RPS6KA1: variants seen among roughly 807,000 people sequenced by gnomAD.
The protein encoded by RPS6KA1 is ribosomal protein S6 kinase A1, also known as ribosomal protein S6 kinase alpha-1.
RPS6KA1 carries 48 observed loss-of-function variants against 91.3 expected under a neutral mutation model. The ratio of observed to expected loss-of-function variants is 0.53; its 90% CI spans 0.42 to 0.67. RPS6KA1 has a LOEUF of 0.67. Among genes scored for constraint, RPS6KA1 ranks in the 30% least tolerant of loss-of-function variants. The probability of loss-of-function intolerance (pLI) is 0.00; values close to 1 mark genes in which losing one functional copy is unlikely to be tolerated. For missense variants in RPS6KA1, 719 were observed against 960.5 expected (o/e 0.75, Z 3.32); for synonymous variants, 359 against 384.7 (o/e 0.93, Z 0.78).
intron 2 of RPS6KA1, among the ~76,000 whole-genome samples, chr1:26,537,943 A>G (rs1472507985): frequency 6.6e-6 from 1 of 152,146 alleles, no homozygotes; most frequent in African/African-American, 2.4e-5. Context: ...GTCCTAGTAT[A>G]TTGCTCAGCT....
chr1:26,546,757 G>T, intron 2 of RPS6KA1, 110 bp from the exon 3 acceptor site: 1 of 762,770 alleles, frequency 1.3e-6, no homozygotes, highest in South Asian at 1.5e-5. Context: ...GTCGTCTATT[G>T]GGCCTTTAGG....
intron 1 of RPS6KA1, among the ~76,000 whole-genome samples, chr1:26,535,307 C>T (rs1460113595): frequency 1.3e-5 from 2 of 151,714 alleles, no homozygotes; most frequent in African/African-American, 2.4e-5. Flanking sequence ...CAATGGGGAG[C>T]TGTTCCAGGG....
rs985179802 is a variant in RPS6KA1 at position 26,547,120 on chromosome 1, G to A, written c.226-69G>A. On this transcript the variant is annotated intron_variant, in intron 3 of 21. Coordinates refer to ENST00000374168, the MANE Select transcript of RPS6KA1 (RefSeq NM_002953.4). This position sits in a 1 kb window ranked among gnomAD's most constrained non-coding sequence, Gnocchi z 4.1. ...CAAAAAGGTCAGCTTGGGGCTCAGA[G>A]AAGATAGAGGTCAGCCTGGACTCAG... 1 of 1,573,142 alleles carries A rather than the reference G, an allele frequency of 6.4e-7. No homozygotes were observed. Among genetic ancestry groups the A allele is most frequent in the African/African-American group, 1.3e-5 (1 of 74,194 alleles).
rs764089571 is a variant in RPS6KA1, at chr1:26,556,978, G to A, written c.982-20G>A. On this transcript the variant is annotated intron_variant, in intron 12 of 21. Coordinates refer to ENST00000374168, the MANE Select transcript of RPS6KA1 (RefSeq NM_002953.4). ...TGTTGAGGATGCCATGGTGACCAGA[G>A]TGCCCACCCCACTGTGCAGAAGCTA... 50 of 1,584,064 alleles carry A rather than the reference G, an allele frequency of 3.2e-5. No homozygotes were observed. The highest frequency in any genetic ancestry group is 4.0e-5 in the Non-Finnish European group (46 of 1,152,818).
At chr1:26,553,253 T>A (rs2076069051) in intron 6 of RPS6KA1, 138 bp from the exon 7 acceptor site, 1 of 594,926 alleles carries the variant, frequency 1.7e-6, no homozygotes, top group Admixed American at 2.6e-5. Flanking sequence ...CTTTGTATGA[T>A]GAGAAGGCTA....
In RPS6KA1 at chr1:26,529,824, G is replaced by C; in HGVS notation, c.-97G>C. On this transcript the variant is annotated 5_prime_UTR_variant, in exon 1 of 22. Coordinates refer to ENST00000374168, the MANE Select transcript of RPS6KA1 (RefSeq NM_002953.4). This position sits in a 1 kb window ranked among gnomAD's most constrained non-coding sequence, Gnocchi z 4.2. ...GCCGGAGCGCGAGGGGCTCGGGGGGGCGCGGCGGTTCGGGTCGCAGAGCCA... is the reference window on the plus strand; with the variant it reads ...GCCGGAGCGCGAGGGGCTCGGGGGGCCGCGGCGGTTCGGGTCGCAGAGCCA... 1 of 923,086 alleles carries C rather than the reference G, an allele frequency of 1.1e-6. No homozygotes were observed. Among genetic ancestry groups the C allele is most frequent in the Non-Finnish European group, 1.4e-6 (1 of 713,624 alleles). The allele number at this position is 923,086 out of a possible 1,614,324, so 57.2% of individuals were successfully genotyped here. A position where few individuals can be genotyped will look rare whatever the true frequency, so the allele number is the denominator to read the frequency against.
intron 17 of RPS6KA1, among the ~76,000 whole-genome samples, chr1:26,562,372 C>T (rs1250527851): frequency 6.6e-6 from 1 of 152,084 alleles, no homozygotes; most frequent in Non-Finnish European, 1.5e-5. Flanking sequence ...GAATTTCAGA[C>T]TGAAGAATTT....
In RPS6KA1 at chr1:26,560,751, T is replaced by C. The variant is rs765589763; in HGVS notation, c.1241T>C (p.Phe414Ser). 1 of 1,614,200 alleles carries C rather than the reference T, an allele frequency of 6.2e-7. No homozygotes were observed. ...CAACTCCATGGGAAGAACCTGGTTT[T>C]TAGTGACGGCTACGTGGTAAAGGAG... ...VQQLHGKNLVFSDGYVVKETI... is the reference protein window; with the variant it reads ...VQQLHGKNLVSSDGYVVKETI... Residue 414 changes from phenylalanine (F) to serine (S), a missense_variant, in exon 15 of 22, where the codon TTT (phenylalanine) becomes TCT (serine). Coordinates refer to ENST00000374168, the MANE Select transcript of RPS6KA1 (RefSeq NM_002953.4).
rs145117977 is a variant in RPS6KA1 at position 26,569,724 on chromosome 1, T to C, written c.1591-1725T>C. On this transcript the variant is annotated intron_variant, in intron 17 of 21. Coordinates refer to ENST00000374168, the MANE Select transcript of RPS6KA1 (RefSeq NM_002953.4). ...TTCAGAGGTGTGATTTGTTCATTCA[T>C]TGCACAAAGTTCACTTAGCATTTGC... Among the ~76,000 whole-genome samples, 16 of 152,386 alleles carry C rather than the reference T, an allele frequency of 1.0e-4. No homozygotes were observed. The East Asian group carries it at 3.1e-3, about 29-fold the overall frequency.
intron 7 of RPS6KA1, chr1:26,553,933 A>G (rs1233007602): frequency 1.1e-5 from 4 of 379,700 alleles, no homozygotes; most frequent in Non-Finnish European, 1.9e-5. Context: ...TACTAGCTCA[A>G]TGACTGTAGA....
intron 11 of RPS6KA1, 58 bp from the exon 12 acceptor site, chr1:26,556,596 G>A: frequency 1.3e-6 from 2 of 1,580,174 alleles, no homozygotes; most frequent in South Asian, 1.1e-5. Context: ...TTGGTGGGCA[G>A]GGTAATATCT....
chr1:26,541,015 C>G (rs951626207), intron 2 of RPS6KA1, among the ~76,000 whole-genome samples: 1 of 152,036 alleles, frequency 6.6e-6, no homozygotes, highest in East Asian at 1.9e-4. Context: ...GTCTCGAACT[C>G]CCGACCTCAG....
At position 26,551,697 on chromosome 1, in the gene RPS6KA1, G is replaced by A. The variant is rs2076051767; in HGVS notation, c.442G>A (p.Asp148Asn). ...CATTCTGGACTTCCTGCGTGGTGGG[G>A]ACCTCTTCACCCGGCTCTCAAAAGA... ...YLILDFLRGGDLFTRLSKEVM... is the reference protein window; with the variant it reads ...YLILDFLRGGNLFTRLSKEVM... Residue 148 changes from aspartate to asparagine, a missense_variant, in exon 6 of 22, where the codon GAC becomes AAC. By Grantham distance (23) the Asp-to-Asn change is conservative. This residue lies in a region of RPS6KA1 where 159 missense variants were observed against 264.5 expected (regional missense o/e 0.60). Transcript: ENST00000374168. This position sits in a 1 kb window ranked among gnomAD's most constrained non-coding sequence, Gnocchi z 4.5. The A allele has an allele frequency of 4.3e-6, 7 of 1,614,176 alleles. No individual in the cohort carries two copies. In the East Asian group the frequency reaches 1.1e-4, roughly 26 times the overall value.
At position 26,569,513 on chromosome 1, in the gene RPS6KA1, A is replaced by G. The variant is rs191298959; in HGVS notation, c.1591-1936A>G. 1.0e-3 allele frequency among the ~76,000 whole-genome samples: 155 copies of G among 152,158 alleles called. 1 individual carries two copies. The highest frequency in any genetic ancestry group is 3.5e-3 in the African/African-American group (145 of 41,504). On this transcript the variant is annotated intron_variant, in intron 17 of 21. Transcript: ENST00000374168. ...CTAACAGTGTGGCCCTTTCCCCCTCATCTACCTGGCACTCTTCTCCCTATG... is the reference window on the plus strand; with the variant it reads ...CTAACAGTGTGGCCCTTTCCCCCTCGTCTACCTGGCACTCTTCTCCCTATG...
Position 26,557,072 on chromosome 1 carries a change from C to T in RPS6KA1, c.1056C>T (p.Asp352=), listed in dbSNP as rs771185427. The T allele has an allele frequency of 1.9e-6, 3 of 1,613,932 alleles. No individual in the cohort carries two copies. The African/African-American group carries it at 4.0e-5, about 22-fold the overall frequency. ...VAQPDDTFYF[D]TEFTSRTPKD... ...AGCCTGATGACACCTTCTACTTTGA[C>T]ACCGAGTTCACGTCCCGCACACCCA... Residue 352 remains aspartate, a synonymous_variant, in exon 13 of 22, where the codon GAC becomes GAT. Transcript: ENST00000374168.
At chr1:26,565,568 CT>C (rs1553133908) in intron 17 of RPS6KA1, among the ~76,000 whole-genome samples, 2 of 150,308 alleles carry the variant, frequency 1.3e-5, no homozygotes, top group African/African-American at 2.4e-5. Context: ...CTTTTCTTTT[CT>C]TTTTTTTTGA....
rs1217947124 is a variant in RPS6KA1, at chr1:26,529,938, CA to C, written c.20del (p.Lys7ArgfsTer9). 10 of 1,433,894 alleles carry C rather than the reference CA, an allele frequency of 7.0e-6. No homozygotes were observed. The African/African-American group carries it at 1.3e-4, about 19-fold the overall frequency. The allele number at this position is 1,433,894 out of a possible 1,614,324, so 88.8% of individuals were successfully genotyped here. Reference sequence around the variant, plus strand: ...GCGGCGAGATGCCGCTCGCCCAGCTCAAGGAGCCCTGGCCGCTCATGGAGCT... The same window carrying C: ...GCGGCGAGATGCCGCTCGCCCAGCTCAGGAGCCCTGGCCGCTCATGGAGCT... MPLAQL[K>X]EPWPLMELVP... On this transcript the variant is annotated frameshift_variant, in exon 1 of 22. Coordinates refer to ENST00000374168, the MANE Select transcript of RPS6KA1 (RefSeq NM_002953.4). LOFTEE classifies it high-confidence loss of function. The surrounding 1 kb of genome is among the most constrained non-coding windows in gnomAD (Gnocchi z 4.2).
At chr1:26,557,994 A>G (rs1192000844) in intron 13 of RPS6KA1, among the ~76,000 whole-genome samples, 1 of 151,438 alleles carries the variant, frequency 6.6e-6, no homozygotes, top group East Asian at 1.9e-4. Flanking sequence ...ACGCCTGGCT[A>G]ATTTTTGTAT....
intron 2 of RPS6KA1, among the ~76,000 whole-genome samples, chr1:26,545,423 G>T (rs1168891771): frequency 2.7e-5 from 4 of 150,490 alleles, no homozygotes; most frequent in Non-Finnish European, 5.9e-5. Flanking sequence ...TGATCCGCCC[G>T]CCTCAGCCTC....
Sources: gnomAD v4.1 joint callset for allele counts (sites outside exome capture counted in the v4.1 genomes callset) on GRCh38, gnomAD v4.1.1 for gene constraint, gnomAD v4.1.1 regional missense constraint, Gnocchi (gnomAD v3.1) non-coding constraint, MANE v1.5 for transcripts, NCBI Gene and HGNC (gene_info 2026-07-23, HGNC 2026-07-21) for gene names.